CENPI: variants seen among roughly 807,000 people sequenced by gnomAD.
CENPI encodes the protein centromere protein I, also known as FSH primary response 1.
CENPI carries 4 observed loss-of-function variants against 60.4 expected under a neutral mutation model. The observed-to-expected ratio is 0.07, with a 90% CI of 0.03 to 0.15. The LOEUF (loss-of-function observed/expected upper bound fraction) is 0.15, where lower values mean the gene tolerates loss of function less well. CENPI is among the 10% of genes least tolerant of loss of function. The pLI is 1.00. For synonymous variants in CENPI, 157 were observed against 189.4 expected, an observed-to-expected ratio of 0.83 and a Z score of 1.40; for missense variants, 444 against 534.5, an observed-to-expected ratio of 0.83 and a Z score of 1.67.
intron 20 of CENPI, among the ~76,000 whole-genome samples, chrX:101,157,649 CAAAAAAAAAAAAAA>C (rs11337861): frequency 8.1e-5 from 4 of 49,134 alleles, no homozygotes; most frequent in Non-Finnish European, 1.5e-4. Context: ...GACCTTGTCT[CAAAAAAAAAAAAAA>C]AAAAAAGGAC....
chrX:101,136,695 C>G (rs2089851411), intron 15 of CENPI, among the ~76,000 whole-genome samples: 1 of 105,416 alleles, frequency 9.5e-6, no homozygotes, highest in Admixed American at 1.0e-4. Context: ...CAAATCCACA[C>G]TAATGTTGTT....
At chrX:101,166,679 G>T (rs1340394223), downstream of CENPI, among the ~76,000 whole-genome samples, 7 of 112,728 alleles carry the variant, frequency 6.2e-5, no homozygotes, top group Non-Finnish European at 1.3e-4. Context: ...CCCAGTGTTT[G>T]TGTAGAATTG....
intron 12 of CENPI, 47 bp from the exon 13 acceptor site, chrX:101,129,935 T>C (rs755305059): frequency 1.1e-6 from 1 of 907,099 alleles, no homozygotes; most frequent in East Asian, 3.1e-5. Context: ...TGTGCACTTT[T>C]TTATTGTGGT....
downstream of CENPI, among the ~76,000 whole-genome samples, chrX:101,168,115 T>G (rs1362236312): frequency 8.9e-6 from 1 of 112,629 alleles, no homozygotes; most frequent in African/African-American, 3.2e-5. Context: ...CTTGGTGATA[T>G]GGAAAAGTGT....
At position 101,109,634 on chromosome X, in the gene CENPI, C is replaced by T. The variant is rs1173299915; in HGVS notation, c.483+43C>T. The T allele has an allele frequency of 8.0e-6, 8 of 1,005,380 alleles. 1 individual carries two copies. The highest frequency in any genetic ancestry group is 1.1e-5 in the Non-Finnish European group (8 of 712,444). The allele number at this position is 1,005,380 out of a possible 1,213,427, so 82.9% of individuals were successfully genotyped here. The stretch of plus-strand genomic sequence containing the variant: ...TTTGATGATAAGTCCTTCAGAACCA[C>T]TTAAGGGCTGGCAAGGAAGAGCCAC... On this transcript the variant is annotated intron_variant, in intron 5 of 21. Transcript: ENST00000682095.
rs775674652 is a variant in CENPI, at chrX:101,109,936, C to T, written c.529C>T (p.Arg177Cys). Residue 177 changes from arginine to cysteine, a missense_variant, in exon 6 of 22, where the codon CGT (arginine) becomes TGT (cysteine). Transcript: ENST00000682095. ...WLVAMFDFIDRKEQINLLYGF... is the reference protein window; with the variant it reads ...WLVAMFDFIDCKEQINLLYGF... Reference sequence around the variant, plus strand: ...GGTTGCAATGTTTGACTTCATTGATCGTAAGGAGCAAATTAACTTGCTCTA... The same window carrying T: ...GGTTGCAATGTTTGACTTCATTGATTGTAAGGAGCAAATTAACTTGCTCTA... 3.5e-5 allele frequency: 42 copies of T among 1,205,963 alleles called. No homozygotes were observed. The highest frequency in any genetic ancestry group is 8.9e-5 in the East Asian group (3 of 33,733).
rs189174825 is a variant in CENPI, at chrX:101,136,227, G to C, written c.1470+3771G>C. On this transcript the variant is annotated intron_variant, in intron 15 of 21. Transcript: ENST00000682095. ...AGAGGAAACAGTGTCCTGGTTTGGTGGTGAAGGAGAGCTAGGATATGATTA... is the reference window on the plus strand; with the variant it reads ...AGAGGAAACAGTGTCCTGGTTTGGTCGTGAAGGAGAGCTAGGATATGATTA... 1.6e-3 allele frequency among the ~76,000 whole-genome samples: 178 copies of C among 111,872 alleles called. 1 individual carries two copies. The highest frequency in any genetic ancestry group is 0.014 in the Middle Eastern group (3 of 216).
At chrX:101,102,131 C>T in intron 3 of CENPI, 143 bp from the exon 4 acceptor site, 1 of 407,760 alleles carries the variant, frequency 2.5e-6, no homozygotes, top group Admixed American at 5.4e-5. Flanking sequence ...ACTTTGGCCT[C>T]CCAAAATGCT....
intron 21 of CENPI, among the ~76,000 whole-genome samples, chrX:101,162,441 G>T (rs2090116484): frequency 1.6e-5 from 1 of 61,980 alleles, no homozygotes; most frequent in East Asian, 4.5e-4. Flanking sequence ...AACAAACAGA[G>T]CAAAACCGTA....
At chrX:101,171,229 G>A in the CENPI span, among the ~76,000 whole-genome samples, 199 of 111,342 alleles carry the variant, frequency 1.8e-3, no homozygotes, top group African/African-American at 5.8e-3. Flanking sequence ...CCACAGGGGA[G>A]CCAACACAGT....
chrX:101,101,030 T>C (rs1188098258), intron 2 of CENPI, 28 bp from the exon 3 acceptor site: 3 of 994,568 alleles, frequency 3.0e-6, no homozygotes, highest in African/African-American at 1.9e-5. Flanking sequence ...GGCTGATTAA[T>C]GATAACTTAA....
At chrX:101,117,676 AT>A (rs1182286184) in intron 6 of CENPI, among the ~76,000 whole-genome samples, 1 of 110,682 alleles carries the variant, frequency 9.0e-6, no homozygotes, top group Non-Finnish European at 1.9e-5. Context: ...CCAGTTTTTT[AT>A]TATAATAGAT....
intron 4 of CENPI, among the ~76,000 whole-genome samples, chrX:101,105,064 A>C (rs1479007104): frequency 8.9e-6 from 1 of 111,743 alleles, no homozygotes; most frequent in Non-Finnish European, 1.9e-5. Flanking sequence ...TTTTTATCTG[A>C]TTAGTTCTCT....
chrX:101,179,514 TTC>T, the CENPI span, among the ~76,000 whole-genome samples: 2 of 110,812 alleles, frequency 1.8e-5, no homozygotes, highest in African/African-American at 3.3e-5. Context: ...ACGCCTGTTT[TTC>T]TTTCTTTCTT....
chrX:101,120,376 C>T, intron 6 of CENPI, 26 bp from the exon 7 acceptor site: 1 of 726,057 alleles, frequency 1.4e-6, no homozygotes, highest in Non-Finnish European at 2.1e-6. Context: ...TATCATTTCT[C>T]TTAATATTTT....
At chrX:101,143,299 A>G (rs1324528838) in intron 16 of CENPI, among the ~76,000 whole-genome samples, 1 of 110,649 alleles carries the variant, frequency 9.0e-6, no homozygotes, top group Non-Finnish European at 1.9e-5. Flanking sequence ...AAAGCTATGA[A>G]TTCAAATTTG....
chrX:101,107,910 C>T (rs1191145095), intron 4 of CENPI, among the ~76,000 whole-genome samples: 1 of 102,389 alleles, frequency 9.8e-6, no homozygotes, highest in African/African-American at 3.6e-5. Context: ...AGCCACCACA[C>T]CTGGCCTAAT....
In CENPI at chrX:101,153,136, T is replaced by C. The variant is rs182510956; in HGVS notation, c.2094+4975T>C. 4.8e-3 allele frequency among the ~76,000 whole-genome samples: 526 copies of C among 110,643 alleles called. 4 individuals are homozygous for C. Among genetic ancestry groups the C allele is most frequent in the African/African-American group, 0.016 (483 of 30,483 alleles). ...TTTGGTTCTAGCCATCCTGGAAGTG[T>C]GAAATGGTATTTCATTGTGGTATTG... On this transcript the variant is annotated intron_variant, in intron 20 of 21. Transcript: ENST00000682095.
chrX:101,103,140 C>G (rs749259147), intron 4 of CENPI, among the ~76,000 whole-genome samples: 1 of 105,572 alleles, frequency 9.5e-6, no homozygotes, highest in South Asian at 4.3e-4. Flanking sequence ...ATTACAGGTG[C>G]CTGCCACCAC....
Sources: allele counts gnomAD v4.1 joint callset (sites outside exome capture counted in the v4.1 genomes callset), GRCh38; gene constraint gnomAD v4.1.1; transcripts MANE v1.5; gene names NCBI Gene and HGNC (gene_info 2026-07-23, HGNC 2026-07-21).